Variants in MDM4 observed in about 807,000 individuals in gnomAD.
MDM4 encodes MDM4 regulator of p53.
In MDM4, 2 loss-of-function variants were observed where a neutral mutation model predicts 60.2. The ratio of observed to expected loss-of-function variants is 0.03; its 90% CI spans 0.01 to 0.10. The LOEUF is 0.10. MDM4 is among the 10% of genes least tolerant of loss of function. The probability of loss-of-function intolerance (pLI) is 1.00; values close to 1 mark genes in which losing one functional copy is unlikely to be tolerated. For synonymous variants in MDM4, 202 were observed against 198.1 expected, an observed-to-expected ratio of 1.02 and a Z score of -0.17; for missense variants, 447 against 577.5, an observed-to-expected ratio of 0.77 and a Z score of 2.32.
At chr1:204,519,879 ATAAC>A (rs1246986209) in intron 1 of MDM4, among the ~76,000 whole-genome samples, 6 of 152,230 alleles carry the variant, frequency 3.9e-5, no homozygotes, top group Non-Finnish European at 1.5e-5. Context: ...GATGGAATAA[ATAAC>A]AGAACGGATA....
At chr1:204,517,253 AAG>A (rs1291025413) in intron 1 of MDM4, among the ~76,000 whole-genome samples, 4 of 151,890 alleles carry the variant, frequency 2.6e-5, no homozygotes, top group African/African-American at 2.4e-5. Flanking sequence ...AAAAAAAAAA[AAG>A]AAAAAATGTT....
intron 2 of MDM4, 120 bp from the exon 3 acceptor site, chr1:204,526,240 A>C: frequency 1.3e-6 from 1 of 774,236 alleles, no homozygotes; most frequent in Non-Finnish European, 2.2e-6. Context: ...AAGGCGACAG[A>C]GCAAGACCTT....
At chr1:204,532,879 A>G in intron 5 of MDM4, 2 of 1,573,730 alleles carry the variant, frequency 1.3e-6, no homozygotes, top group African/African-American at 2.7e-5. Context: ...GTAAACTGGT[A>G]GTGCTTGAAT....
chr1:204,530,922 G>A (rs754019598), intron 4 of MDM4, 105 bp downstream of exon 4: 46 of 1,405,250 alleles, frequency 3.3e-5, no homozygotes, highest in Non-Finnish European at 4.5e-5. Flanking sequence ...ATATGTAAGA[G>A]CCTACATATG....
At position 204,549,185 on chromosome 1, in the gene MDM4, T is replaced by C; in HGVS notation, c.976T>C (p.Leu326=). 1 of 1,614,014 alleles carries C rather than the reference T, an allele frequency of 6.2e-7. No homozygotes were observed. Among genetic ancestry groups the C allele is most frequent in the Non-Finnish European group, 8.5e-7 (1 of 1,179,854 alleles). ...GAGGTACTGTTTTCGTTGTTGGGCC[T>C]TGAGGAAGGATTGGTATTCAGATTG... ...SKRYCFRCWA[L]RKDWYSDCSK... is the part of the protein sequence containing the mutation. The change falls in exon 11 of 11, where the codon TTG becomes CTG. Residue 326 remains leucine (L), a synonymous_variant. Coordinates refer to ENST00000367182, the MANE Select transcript of MDM4 (RefSeq NM_002393.5).
intron 1 of MDM4, among the ~76,000 whole-genome samples, chr1:204,520,174 G>A (rs892288217): frequency 6.6e-6 from 1 of 151,756 alleles, no homozygotes; most frequent in Admixed American, 6.6e-5. Flanking sequence ...CTACGCGGGA[G>A]GCTGAGGCAG....
chr1:204,528,598 G>A (rs901564021), intron 3 of MDM4, among the ~76,000 whole-genome samples: 4 of 152,176 alleles, frequency 2.6e-5, no homozygotes, highest in African/African-American at 7.2e-5. Flanking sequence ...GCTCATGGCC[G>A]TCGGGACATT....
chr1:204,529,529 A>G (rs988525610), intron 3 of MDM4: 2 of 1,504,604 alleles, frequency 1.3e-6, no homozygotes, highest in East Asian at 2.4e-5. Flanking sequence ...CTGGTGGTCC[A>G]TAAGGCCCTC....
chr1:204,520,066 A>G (rs1203378243), intron 1 of MDM4, among the ~76,000 whole-genome samples: 11 of 152,122 alleles, frequency 7.2e-5, no homozygotes, highest in Admixed American at 7.2e-4. Context: ...TCACGAGGTC[A>G]GGAGATCGAG....
At chr1:204,545,675 A>G (rs563951230) in intron 9 of MDM4, among the ~76,000 whole-genome samples, 2 of 152,320 alleles carry the variant, frequency 1.3e-5, no homozygotes, top group African/African-American at 4.8e-5. Context: ...AATTAAGACA[A>G]AAGTGACATT....
intron 1 of MDM4, among the ~76,000 whole-genome samples, chr1:204,524,349 C>T (rs531504272): frequency 3.5e-4 from 54 of 152,308 alleles, no homozygotes; most frequent in Non-Finnish European, 5.7e-4. Flanking sequence ...GGATTACAGG[C>T]GTGAGCCACT....
chr1:204,539,981 T>G (rs1661869874), intron 7 of MDM4, among the ~76,000 whole-genome samples: 1 of 152,110 alleles, frequency 6.6e-6, no homozygotes, highest in Admixed American at 6.5e-5. Context: ...AAGGTGTACA[T>G]GAAAACTTGG....
At chr1:204,520,372 CT>C (rs11290909) in intron 1 of MDM4, among the ~76,000 whole-genome samples, 86,076 of 141,294 alleles carry the variant, frequency 0.61, 27,294 homozygotes, top group Non-Finnish European at 0.7. Context: ...AACATCCCTG[CT>C]TTTTTTTTTT....
intron 8 of MDM4, among the ~76,000 whole-genome samples, chr1:204,543,157 A>G (rs1662297612): frequency 6.6e-6 from 1 of 152,198 alleles, no homozygotes; most frequent in South Asian, 2.1e-4. Context: ...CTATTTAACT[A>G]ACAACTCTAC....
At chr1:204,546,707 A>T in intron 9 of MDM4, 90 bp from the exon 10 acceptor site, 1 of 796,736 alleles carries the variant, frequency 1.3e-6, no homozygotes, top group Non-Finnish European at 2.1e-6. Flanking sequence ...TGTGAGTTTT[A>T]AATTGAAGCA....
At chr1:204,535,879 A>G (rs1661356317) in intron 5 of MDM4, among the ~76,000 whole-genome samples, 2 of 152,222 alleles carry the variant, frequency 1.3e-5, no homozygotes, top group African/African-American at 4.8e-5. Flanking sequence ...GTTTCACCAG[A>G]TAATTTATTT....
chr1:204,532,297 G>C (rs778083682), intron 5 of MDM4, 51 bp downstream of exon 5: 8 of 1,198,510 alleles, frequency 6.7e-6, no homozygotes, highest in Non-Finnish European at 8.6e-6. Context: ...GAGTTCAAGG[G>C]GGCAAATGAT....
At chr1:204,525,227 T>G (rs1660003234) in intron 1 of MDM4, 3 of 486,450 alleles carry the variant, frequency 6.2e-6, no homozygotes, top group Non-Finnish European at 8.0e-6. Context: ...AGTTGGAGGT[T>G]GGAGCGTGCC....
intron 10 of MDM4, among the ~76,000 whole-genome samples, chr1:204,547,238 C>A (rs189019193): frequency 2.0e-5 from 3 of 152,274 alleles, no homozygotes; most frequent in East Asian, 3.9e-4. Flanking sequence ...CATAGGCTAT[C>A]TAAAATTATT....
Sources: allele counts gnomAD v4.1 joint callset (sites outside exome capture counted in the v4.1 genomes callset), GRCh38; gene constraint gnomAD v4.1.1; transcripts MANE v1.5; gene names NCBI Gene and HGNC (gene_info 2026-07-23, HGNC 2026-07-21).